The following FNIP1 variants were observed in gnomAD, a reference collection of about 807,000 sequenced individuals.
FNIP1 encodes folliculin-interacting protein 1.
In FNIP1, 40 loss-of-function variants were observed where a neutral mutation model predicts 124.5. That is an observed-to-expected ratio of 0.32 (90% confidence interval 0.25 to 0.42). The LOEUF (loss-of-function observed/expected upper bound fraction) is 0.42, where lower values mean the gene tolerates loss of function less well. FNIP1 is among the 10% of genes least tolerant of loss of function. FNIP1 has a pLI of 1.00. For missense variants in FNIP1, 1,176 were observed against 1,403.7 expected, an observed-to-expected ratio of 0.84 and a Z score of 2.59; for synonymous variants, 472 against 470.6, an observed-to-expected ratio of 1.00 and a Z score of -0.04.
chr5:131,770,849 T>G (rs1310447884), intron 1 of FNIP1, among the ~76,000 whole-genome samples: 3 of 152,160 alleles, frequency 2.0e-5, no homozygotes, highest in Admixed American at 1.3e-4. Flanking sequence ...ATACCATCAG[T>G]GTAGAGGCAA....
chr5:131,704,299 A>G, intron 9 of FNIP1, 33 bp from the exon 10 acceptor site: 1 of 1,483,112 alleles, frequency 6.7e-7, no homozygotes, highest in Non-Finnish European at 9.1e-7. Context: ...TTAATTTACA[A>G]AAGTAAAAAT....
At chr5:131,713,429 T>A (rs1160512546) in intron 6 of FNIP1, among the ~76,000 whole-genome samples, 1 of 152,188 alleles carries the variant, frequency 6.6e-6, no homozygotes, top group Non-Finnish European at 1.5e-5. Context: ...TCCTAGGTCA[T>A]CCTCCATTCC....
At chr5:131,763,122 G>A (rs2149573035) in intron 1 of FNIP1, among the ~76,000 whole-genome samples, 1 of 152,274 alleles carries the variant, frequency 6.6e-6, no homozygotes, top group South Asian at 2.1e-4. Context: ...GGTGACTACA[G>A]TCAACAAGAA....
At chr5:131,669,815 A>G (rs912948440) in intron 15 of FNIP1, among the ~76,000 whole-genome samples, 1 of 152,102 alleles carries the variant, frequency 6.6e-6, no homozygotes, top group African/African-American at 2.4e-5. Context: ...TAATCATGAA[A>G]GATGCAATGT....
chr5:131,766,901 C>T (rs534262921), intron 1 of FNIP1, among the ~76,000 whole-genome samples: 4 of 152,188 alleles, frequency 2.6e-5, no homozygotes, highest in African/African-American at 9.6e-5. Flanking sequence ...TGTCTAGGCC[C>T]CCAGCCAACT....
intron 1 of FNIP1, among the ~76,000 whole-genome samples, chr5:131,757,111 G>T (rs1771074558): frequency 6.6e-6 from 1 of 152,134 alleles, no homozygotes; most frequent in Non-Finnish European, 1.5e-5. Context: ...TAGGAGAAAA[G>T]GAAGTATAAA....
chr5:131,754,967 T>C (rs1315298520), intron 1 of FNIP1, among the ~76,000 whole-genome samples: 2 of 152,212 alleles, frequency 1.3e-5, no homozygotes, highest in Non-Finnish European at 2.9e-5. Flanking sequence ...AGGATGAGAA[T>C]GGCTGACTCT....
At chr5:131,775,293 T>A (rs1158187020) in intron 1 of FNIP1, among the ~76,000 whole-genome samples, 1 of 152,156 alleles carries the variant, frequency 6.6e-6, no homozygotes, top group Non-Finnish European at 1.5e-5. Context: ...TTATTGTGTA[T>A]GCTATGTTTT....
At position 131,672,655 on chromosome 5, in the gene FNIP1, A is replaced by G. The variant is rs1767798817; in HGVS notation, c.1789T>C (p.Phe597Leu). Residue 597 changes from phenylalanine to leucine, a missense_variant, in exon 14 of 18, where the codon TTT becomes CTT. Around this residue, in one of 2 missense-constraint regions of FNIP1, gnomAD observed 1,109 missense variants for 1,288.5 expected, o/e 0.86. Transcript: ENST00000510461. The stretch of plus-strand genomic sequence containing the variant: ...GTTCTAATTTCTTCTGACTCTTTAA[A>G]GAGCAAACTGCTTTTGTTTCTATGC... The part of the protein sequence containing the change: ...TMHRNKSSLL[F>L]KESEEIRTPN... The G allele has an allele frequency of 6.2e-7, 1 of 1,614,232 alleles. No individual in the cohort carries two copies.
At chr5:131,649,732 T>G (rs2149503007) in intron 16 of FNIP1, among the ~76,000 whole-genome samples, 1 of 152,340 alleles carries the variant, frequency 6.6e-6, no homozygotes, top group South Asian at 2.1e-4. Flanking sequence ...ATATCCAATG[T>G]CACAAAGATT....
intron 1 of FNIP1, among the ~76,000 whole-genome samples, chr5:131,781,316 G>A (rs1470076648): frequency 1.3e-5 from 2 of 152,194 alleles, no homozygotes; most frequent in Non-Finnish European, 2.9e-5. Flanking sequence ...TGATGACACT[G>A]GCTACACTAA....
intron 1 of FNIP1, among the ~76,000 whole-genome samples, chr5:131,763,972 G>C (rs909400257): frequency 6.6e-5 from 10 of 152,126 alleles, no homozygotes; most frequent in Admixed American, 2.6e-4. Context: ...GAGGTGACTG[G>C]ATGATGGGGA....
chr5:131,709,152 A>G, intron 8 of FNIP1, 49 bp downstream of exon 8: 3 of 1,479,952 alleles, frequency 2.0e-6, no homozygotes, highest in Non-Finnish European at 2.8e-6. Flanking sequence ...AAGAAAATCA[A>G]TGCCAACAGT....
intron 16 of FNIP1, among the ~76,000 whole-genome samples, chr5:131,647,874 T>C (rs918145311): frequency 2.0e-5 from 3 of 152,118 alleles, no homozygotes; most frequent in African/African-American, 7.2e-5. Flanking sequence ...TTTCACTATG[T>C]TTTTATTTCA....
chr5:131,773,523 C>T (rs983394192), intron 1 of FNIP1, among the ~76,000 whole-genome samples: 2 of 152,260 alleles, frequency 1.3e-5, no homozygotes, highest in Admixed American at 1.3e-4. Context: ...AGGCAACAAA[C>T]TTCAGAGGTA....
chr5:131,748,710 A>G (rs201462716), intron 1 of FNIP1, among the ~76,000 whole-genome samples: 3,866 of 118,022 alleles, frequency 0.033, 109 homozygotes, highest in African/African-American at 0.1. Context: ...AAAAAAAAAG[A>G]AAAAAAAAAA....
intron 13 of FNIP1, among the ~76,000 whole-genome samples, chr5:131,673,283 T>G (rs1207736706): frequency 6.6e-6 from 1 of 151,870 alleles, no homozygotes; most frequent in Admixed American, 6.6e-5. Context: ...CTTGAGCTCC[T>G]GGGCTCAAGC....
intron 15 of FNIP1, among the ~76,000 whole-genome samples, chr5:131,662,861 T>A (rs974142089): frequency 2.0e-5 from 3 of 148,860 alleles, no homozygotes; most frequent in African/African-American, 7.5e-5. Context: ...TGCCTCAGCC[T>A]CCTGAGTAGC....
At chr5:131,701,434 C>T (rs533800161) in intron 10 of FNIP1, among the ~76,000 whole-genome samples, 1 of 152,272 alleles carries the variant, frequency 6.6e-6, no homozygotes, top group South Asian at 2.1e-4. Context: ...TGTCAGTTCA[C>T]CCACAACTTA....
Sources: allele counts gnomAD v4.1 joint callset (sites outside exome capture counted in the v4.1 genomes callset), GRCh38; gene constraint gnomAD v4.1.1; regional missense constraint gnomAD v4.1.1; transcripts MANE v1.5; gene names NCBI Gene and HGNC (gene_info 2026-07-23, HGNC 2026-07-21).